The following MMP2 variants were observed in gnomAD, a reference collection of about 807,000 sequenced individuals.
The protein encoded by MMP2 is 72 kDa type IV collagenase.
A neutral mutation model predicts 74.8 loss-of-function variants in MMP2; 39 were observed. The ratio of observed to expected loss-of-function variants is 0.52; its 90% confidence interval spans 0.40 to 0.68. The LOEUF (loss-of-function observed/expected upper bound fraction) is 0.68, where lower values mean the gene tolerates loss of function less well. Ranked by LOEUF, MMP2 falls within the 30% of genes least tolerant of loss-of-function variation. The pLI, the probability that MMP2 is intolerant of heterozygous loss-of-function variation, is 0.00. For synonymous variants in MMP2, 367 were observed against 339.8 expected, an observed-to-expected ratio of 1.08 and a Z score of -0.88; for missense variants, 803 against 878.3, an observed-to-expected ratio of 0.91 and a Z score of 1.08.
chr16:55,493,045 A>G, intron 8 of MMP2, 113 bp from the exon 9 acceptor site: 1 of 1,343,178 alleles, frequency 7.4e-7, no homozygotes. Flanking sequence ...CACTAAGGCC[A>G]GAAGGCGATT....
At chr16:55,490,151 G>A (rs537310298) in intron 7 of MMP2, among the ~76,000 whole-genome samples, 16 of 152,270 alleles carry the variant, frequency 1.1e-4, no homozygotes, top group South Asian at 2.1e-4. Flanking sequence ...CCCTCCAGGC[G>A]GGCTTGTGAC....
intron 1 of MMP2, chr16:55,479,943 T>C (rs1962054460): frequency 5.0e-6 from 1 of 198,296 alleles, no homozygotes; most frequent in Admixed American, 8.7e-5. Context: ...CTTATGTAAA[T>C]AGCGGGGACA....
intron 1 of MMP2, among the ~76,000 whole-genome samples, chr16:55,482,210 T>C (rs952679564): frequency 4.6e-5 from 7 of 152,206 alleles, no homozygotes; most frequent in Non-Finnish European, 1.0e-4. Flanking sequence ...TCCCTGAACC[T>C]CTGCAGGGAC....
In MMP2 at chr16:55,505,652, C is replaced by A; in HGVS notation, c.*210C>A. On this transcript the variant is annotated 3_prime_UTR_variant, in exon 13 of 13. Coordinates refer to ENST00000219070, the MANE Select transcript of MMP2 (RefSeq NM_004530.6). ...ATGCTGACTGTACTCCTCCCAGGCG[C>A]CCCTTCCCCCTCCAATCCCACCAAC... The A allele has an allele frequency of 3.3e-6, 2 of 600,752 alleles. No individual in the cohort carries two copies. Among genetic ancestry groups the A allele is most frequent in the Middle Eastern group, 4.5e-4 (1 of 2,228 alleles). The allele number at this position is 600,752 out of a possible 1,614,324, so 37.2% of individuals were successfully genotyped here.
chr16:55,499,674 G>A (rs1195007392), intron 11 of MMP2, among the ~76,000 whole-genome samples: 2 of 152,156 alleles, frequency 1.3e-5, no homozygotes, highest in South Asian at 2.1e-4. Flanking sequence ...AAAAGGAAAC[G>A]GAGGTCCAAA....
Position 55,502,848 on chromosome 16 carries a change from C to G in MMP2, c.1839C>G (p.Ile613Met). The change falls in exon 12 of 13, where the codon ATC becomes ATG. Residue 613 changes from isoleucine (I) to methionine (M), a missense_variant. Ile to Met is a conservative substitution (Grantham distance 10). Transcript: ENST00000219070. ...TCATCGCAGATGCCTGGAATGCCAT[C>G]CCCGATAACCTGGATGCCGTCGTGG... ...PKLIADAWNA[I>M]PDNLDAVVDL... 6.2e-7 allele frequency: 1 copy of G among 1,614,058 alleles called. No homozygotes were observed. The highest frequency in any genetic ancestry group is 1.1e-5 in the South Asian group (1 of 91,078).
In MMP2 at chr16:55,488,688, C is replaced by T. The variant is rs757154097; in HGVS notation, c.978C>T (p.Asp326=). ...WCGTTEDYDR[D]KKYGFCPETA... ...GCACCACTGAGGACTACGACCGCGA[C>T]AAGAAGTATGGCTTCTGCCCTGAGA... is the stretch of plus-strand genomic sequence containing the variant. The change falls in exon 6 of 13, where the codon GAC becomes GAT. Residue 326 remains aspartate, a synonymous_variant. Coordinates refer to ENST00000219070, the MANE Select transcript of MMP2 (RefSeq NM_004530.6). The T allele has an allele frequency of 1.9e-6, 3 of 1,609,976 alleles. No individual in the cohort carries two copies. Among genetic ancestry groups the T allele is most frequent in the Non-Finnish European group, 2.5e-6 (3 of 1,178,480 alleles).
chr16:55,489,678 A>G lies in MMP2; in HGVS notation c.1034A>G (p.Glu345Gly). ...TAMSTVGGNSEGAPCVFPFTF... is the reference protein window; with the variant it reads ...TAMSTVGGNSGGAPCVFPFTF... ...ATGTCCACTGTTGGTGGGAACTCAG[A>G]AGGTGCCCCCTGTGTCTTCCCCTTC... The change falls in exon 7 of 13, where the codon GAA becomes GGA. Residue 345 changes from glutamate (E) to glycine (G), a missense_variant. Physicochemically the swap from Glu to Gly is moderately conservative, Grantham distance 98. This residue lies in a region of MMP2 where 555 missense variants were observed against 592.0 expected (regional missense o/e 0.94). Transcript: ENST00000219070. 1 of 1,614,116 alleles carries G rather than the reference A, an allele frequency of 6.2e-7. No homozygotes were observed. Among genetic ancestry groups the G allele is most frequent in the Non-Finnish European group, 8.5e-7 (1 of 1,180,030 alleles).
At position 55,505,697 on chromosome 16, in the gene MMP2, GAGATA is replaced by G; in HGVS notation, c.*256_*260del. The G allele has an allele frequency of 1.8e-6, 1 of 562,316 alleles. No individual in the cohort carries two copies. The highest frequency in any genetic ancestry group is 3.2e-6 in the Non-Finnish European group (1 of 312,906). 34.8% of individuals were successfully genotyped at this position (562,316 alleles called of 1,614,324 possible). On this transcript the variant is annotated 3_prime_UTR_variant, in exon 13 of 13. Coordinates refer to ENST00000219070, the MANE Select transcript of MMP2 (RefSeq NM_004530.6). ...ACCAACCCTCAGAGCCACCCCTAAAGAGATACTTTGATATTTTCAACGCAGCCCTG... is the reference window on the plus strand; with the variant it reads ...ACCAACCCTCAGAGCCACCCCTAAAGCTTTGATATTTTCAACGCAGCCCTG...
At chr16:55,501,948 T>G (rs1329458905) in intron 11 of MMP2, among the ~76,000 whole-genome samples, 1 of 152,166 alleles carries the variant, frequency 6.6e-6, no homozygotes, top group Non-Finnish European at 1.5e-5. Context: ...GGAATCAACA[T>G]GACAGCAGCA....
At chr16:55,486,346 C>CG (rs1555491716) in intron 5 of MMP2, among the ~76,000 whole-genome samples, 1 of 43,726 alleles carries the variant, frequency 2.3e-5, no homozygotes, top group African/African-American at 6.6e-5. Context: ...TGTGTGTGTG[C>CG]CTGTGTGTGT....
intron 5 of MMP2, 150 bp downstream of exon 5, chr16:55,485,927 C>G (rs540075242): frequency 3.4e-5 from 26 of 762,388 alleles, no homozygotes; most frequent in South Asian, 1.6e-4. Flanking sequence ...CAGTTCCCCC[C>G]CATCCTGATC....
chr16:55,482,019 C>G (rs1962118172), intron 1 of MMP2: 1 of 512,282 alleles, frequency 2.0e-6, no homozygotes. Context: ...CATTCTAACA[C>G]AGTACTTATC....
intron 8 of MMP2, among the ~76,000 whole-genome samples, chr16:55,492,793 C>G (rs1433014166): frequency 6.6e-6 from 1 of 152,116 alleles, no homozygotes; most frequent in Non-Finnish European, 1.5e-5. Context: ...CCAGCGGCCC[C>G]CTGACCGCCC....
intron 5 of MMP2, 107 bp from the exon 6 acceptor site, chr16:55,488,436 C>T (rs1962311079): frequency 1.9e-6 from 2 of 1,074,276 alleles, no homozygotes; most frequent in Admixed American, 2.0e-5. Context: ...AATATTTTAA[C>T]AATGCATCAA....
chr16:55,498,276 G>A lies in MMP2; in HGVS notation c.1610-13G>A. ...GTCAGCACCAGCCAACACACCCTTT[G>A]CTTCCACCCCAGGGAATGAATACTG... On this transcript the variant is annotated splice_polypyrimidine_tract_variant and intron_variant, in intron 10 of 12. Coordinates refer to ENST00000219070, the MANE Select transcript of MMP2 (RefSeq NM_004530.6). The A allele has an allele frequency of 6.2e-7, 1 of 1,613,738 alleles. No homozygotes were observed. The highest frequency in any genetic ancestry group is 2.2e-5 in the East Asian group (1 of 44,870).
intron 11 of MMP2, among the ~76,000 whole-genome samples, chr16:55,499,168 CAAAAA>C (rs57058103): frequency 2.6e-3 from 338 of 132,024 alleles, no homozygotes; most frequent in South Asian, 9.7e-3. Context: ...GACTCCAACT[CAAAAA>C]AAAAAAAAAG....
rs1323233810 is a variant in MMP2, at chr16:55,506,596, T to C, written c.*1154T>C. On this transcript the variant is annotated 3_prime_UTR_variant, in exon 13 of 13. Coordinates refer to ENST00000219070, the MANE Select transcript of MMP2 (RefSeq NM_004530.6). The stretch of plus-strand genomic sequence containing the variant: ...CCCCCTCAATTAATAGAGTGCTTTC[T>C]ATGTGCAAGGCACTTTTCACGTGTC... 1.3e-5 allele frequency: 2 copies of C among 152,276 alleles called. No homozygotes were observed. Among genetic ancestry groups the C allele is most frequent in the East Asian group, 1.9e-4 (1 of 5,202 alleles). The allele number at this position is 152,276 out of a possible 1,614,324, so 9.4% of individuals were successfully genotyped here.
At position 55,493,223 on chromosome 16, in the gene MMP2, A is replaced by T; in HGVS notation, c.1402A>T (p.Ile468Phe). 1 of 1,614,120 alleles carries T rather than the reference A, an allele frequency of 6.2e-7. No individual in the cohort carries two copies. The highest frequency in any genetic ancestry group is 8.5e-7 in the Non-Finnish European group (1 of 1,180,012). The change falls in exon 9 of 13, where the codon ATC becomes TTC. Residue 468 changes from isoleucine (I) to phenylalanine (F), a missense_variant. Transcript: ENST00000219070. ...CACGCTGGGCCCTGTCACTCCTGAGATCTGCAAACAGGACATTGTATTTGA... is the reference window on the plus strand; with the variant it reads ...CACGCTGGGCCCTGTCACTCCTGAGTTCTGCAAACAGGACATTGTATTTGA... The part of the protein sequence containing the change: ...TPTLGPVTPE[I>F]CKQDIVFDGI...
Sources: gnomAD v4.1 joint callset for allele counts (sites outside exome capture counted in the v4.1 genomes callset) on GRCh38, gnomAD v4.1.1 for gene constraint, gnomAD v4.1.1 regional missense constraint, MANE v1.5 for transcripts, NCBI Gene and HGNC (gene_info 2026-07-23, HGNC 2026-07-21) for gene names.